Variants in UVSSA observed in about 807,000 individuals in gnomAD.
UVSSA encodes UV stimulated scaffold protein A, also known as UV-stimulated scaffold protein A.
In UVSSA, 72 loss-of-function variants were observed where a neutral mutation model predicts 73.9. The ratio of observed to expected loss-of-function variants is 0.97; its 90% CI spans 0.81 to 1.19. The LOEUF (loss-of-function observed/expected upper bound fraction) is 1.19. Among genes scored for constraint, UVSSA ranks in the 50% most tolerant of loss-of-function variants. The pLI, the probability that UVSSA is intolerant of heterozygous loss-of-function variation, is 0.00. For missense variants in UVSSA, 1,150 were observed against 965.0 expected, an observed-to-expected ratio of 1.19 and a Z score of -2.54; for synonymous variants, 454 against 391.3, an observed-to-expected ratio of 1.16 and a Z score of -1.89.
In UVSSA at chr4:1,382,867, C is replaced by T. The variant is rs116789676; in HGVS notation, c.1862-899C>T. 7.9e-3 allele frequency among the ~76,000 whole-genome samples: 1,205 copies of T among 152,318 alleles called. 14 individuals carry two copies. The highest frequency in any genetic ancestry group is 0.027 in the African/African-American group (1,137 of 41,552). ...GCTCGTGGGGTCCTGTCTGCAGGAG[C>T]GGGTGCCTCTGTAGCATTGGTGCCT... On this transcript the variant is annotated intron_variant, in intron 12 of 13. Coordinates refer to ENST00000389851, the MANE Select transcript of UVSSA (RefSeq NM_020894.4).
At chr4:1,354,463 C>A (rs1467806540) in intron 5 of UVSSA, 1 of 488,198 alleles carries the variant, frequency 2.0e-6, no homozygotes, top group Non-Finnish European at 3.8e-6. Flanking sequence ...GTCTCGCCCT[C>A]CAGATGGGAT....
rs375219415 is a variant in UVSSA at position 1,375,448 on chromosome 4, C to T, written c.1373C>T (p.Thr458Ile). ...TRMDEEVSDP[T>I]SAAAQLRQLR... is the part of the protein sequence containing the mutation. ...ATGGACGAGGAGGTGTCGGACCCCA[C>T]CTCTGCGGCTGCTCAGCTGCGGCAG... Residue 458 changes from threonine (T) to isoleucine (I), a missense_variant, in exon 9 of 14, where the codon ACC becomes ATC. Transcript: ENST00000389851. 6.2e-7 allele frequency: 1 copy of T among 1,613,302 alleles called. No individual in the cohort carries two copies. Among genetic ancestry groups the T allele is most frequent in the Non-Finnish European group, 8.5e-7 (1 of 1,179,996 alleles).
At chr4:1,344,562 A>G (rs180839813), upstream of UVSSA, among the ~76,000 whole-genome samples, 80 of 152,320 alleles carry the variant, frequency 5.3e-4, no homozygotes, top group Admixed American at 3.1e-3. Context: ...AACAAAAACA[A>G]ACAAGAATAT....
rs1198959272 is a variant in UVSSA at position 1,349,746 on chromosome 4, G to C, written c.321G>C (p.Gln107His). 1.9e-6 allele frequency: 3 copies of C among 1,611,582 alleles called. No homozygotes were observed. The highest frequency in any genetic ancestry group is 2.2e-5 in the South Asian group (2 of 90,978). Residue 107 changes from glutamine to histidine, a missense_variant, in exon 3 of 14, where the codon CAG (glutamine) becomes CAC (histidine). By Grantham distance (24) the Gln-to-His change is conservative. Transcript: ENST00000389851. The stretch of plus-strand genomic sequence containing the variant: ...TGCCGCCCCCCAGGGAGGCGGCACA[G>C]AGGCTGAGGCAGGCGACCACCCGGG... ...QPLPPPREAA[Q>H]RLRQATTRAV...
rs138129709 is a variant in UVSSA at position 1,354,784 on chromosome 4, C to T, written c.984C>T (p.Ala328=). The change falls in exon 6 of 14, where the codon GCC becomes GCT. Residue 328 remains alanine (A), a synonymous_variant. Transcript: ENST00000389851. ...AGGACAACCTTGCTCTCATCCACGC[C>T]GCCCGCGACACACTCAAGCTCATCC... is the stretch of plus-strand genomic sequence containing the variant. ...ENEDNLALIH[A]ARDTLKLIRN... 333 of 1,613,552 alleles carry T rather than the reference C, an allele frequency of 2.1e-4. No homozygotes were observed. The highest frequency in any genetic ancestry group is 2.5e-4 in the Non-Finnish European group (292 of 1,179,984).
At chr4:1,349,035 G>A (rs1158921154) in intron 2 of UVSSA, among the ~76,000 whole-genome samples, 3 of 138,896 alleles carry the variant, frequency 2.2e-5, no homozygotes, top group African/African-American at 7.5e-5. Flanking sequence ...TGTGCCAGGC[G>A]GTGTGTGTTT....
chr4:1,388,820 A>G (rs890787093), downstream of UVSSA: 1 of 152,206 alleles, frequency 6.6e-6, no homozygotes, highest in Non-Finnish European at 1.5e-5. Flanking sequence ...TTCATGGTGT[A>G]TAATCCTTTT....
chr4:1,372,262 T>C (rs1399744203), intron 8 of UVSSA, among the ~76,000 whole-genome samples: 3 of 152,230 alleles, frequency 2.0e-5, no homozygotes, highest in Admixed American at 6.5e-5. Context: ...TCTGTCTTTC[T>C]GTTAATCTGA....
chr4:1,384,592 C>G (rs549185769), intron 13 of UVSSA: 1 of 152,340 alleles, frequency 6.6e-6, no homozygotes, highest in Admixed American at 6.5e-5. Context: ...TTGCCTTGTT[C>G]TCGCCTAAGA....
chr4:1,394,981 G>C, exon 14 of UVSSA: 1 of 1,565,988 alleles, frequency 6.4e-7, no homozygotes, highest in South Asian at 1.1e-5. Context: ...CGGAGTGCCC[G>C]CCTGCTCACA....
Position 1,351,726 on chromosome 4 carries a change from A to G in UVSSA, c.441A>G (p.Gln147=), listed in dbSNP as rs779952266. 1 of 1,613,296 alleles carries G rather than the reference A, an allele frequency of 6.2e-7. No individual in the cohort carries two copies. The highest frequency in any genetic ancestry group is 1.1e-5 in the South Asian group (1 of 91,088). ...FLRHNKKVDF[Q]DTNARSLAER... Reference sequence around the variant, plus strand: ...TTTCAATTGCTCAGGTGGATTTTCAAGACACGAATGCTCGGAGTCTGGCAG... The same window carrying G: ...TTTCAATTGCTCAGGTGGATTTTCAGGACACGAATGCTCGGAGTCTGGCAG... The change falls in exon 4 of 14, where the codon CAA becomes CAG. Residue 147 remains glutamine, a synonymous_variant. Transcript: ENST00000389851.
At chr4:1,351,125 G>T (rs2109070762) in intron 3 of UVSSA, among the ~76,000 whole-genome samples, 1 of 152,146 alleles carries the variant, frequency 6.6e-6, no homozygotes, top group Non-Finnish European at 1.5e-5. Context: ...GAGTGCAGTG[G>T]TGCGATCTCA....
At chr4:1,394,104 G>A in exon 14 of UVSSA, 1 of 326,052 alleles carries the variant, frequency 3.1e-6, no homozygotes, top group Non-Finnish European at 5.7e-6. Context: ...CTTCTTACTT[G>A]CACACAGCCA....
At chr4:1,395,435 A>G (rs775734694) in exon 14 of UVSSA, 34 of 1,458,124 alleles carry the variant, frequency 2.3e-5, no homozygotes, top group African/African-American at 5.2e-5. Flanking sequence ...GCCGACGTGG[A>G]GTGCCCGCCT....
upstream of UVSSA, among the ~76,000 whole-genome samples, chr4:1,343,741 C>G (rs918953034): frequency 6.6e-6 from 1 of 152,030 alleles, no homozygotes; most frequent in African/African-American, 2.4e-5. Flanking sequence ...GAGCCAAGAT[C>G]GCACCATTGC....
chr4:1,376,110 T>C lies in UVSSA; in HGVS notation c.1510T>C (p.Tyr504His). The change falls in exon 10 of 14, where the codon TAC becomes CAC. Residue 504 changes from tyrosine (Y) to histidine (H), a missense_variant. Physicochemically the swap from Tyr to His is moderately conservative, Grantham distance 83. Transcript: ENST00000389851. ...GCGGGCCCGGGCGCCTGTGGTGCCC[T>C]ACGGCGTGGACCTGCACTACTGGGG... ...AERARAPVVP[Y>H]GVDLHYWGQE... 1 of 1,607,732 alleles carries C rather than the reference T, an allele frequency of 6.2e-7. No homozygotes were observed. The highest frequency in any genetic ancestry group is 1.1e-5 in the South Asian group (1 of 90,042).
chr4:1,377,021 C>T (rs948579109), intron 10 of UVSSA, among the ~76,000 whole-genome samples: 14 of 152,340 alleles, frequency 9.2e-5, no homozygotes, highest in Admixed American at 5.2e-4. Context: ...TTTCAAGGGC[C>T]GGGCTGCCTG....
rs192820374 is a variant in UVSSA, at chr4:1,369,474, G to A, written c.1288+3043G>A. On this transcript the variant is annotated intron_variant, in intron 8 of 13. Coordinates refer to ENST00000389851, the MANE Select transcript of UVSSA (RefSeq NM_020894.4). ...GCTGTTTTTTCAATTAAACGTGGGCGAATCTGAAGTAGTTAGATTTAGTCT... is the reference window on the plus strand; with the variant it reads ...GCTGTTTTTTCAATTAAACGTGGGCAAATCTGAAGTAGTTAGATTTAGTCT... Among the ~76,000 whole-genome samples the A allele has an allele frequency of 1.9e-4, 29 of 152,388 alleles. No individual in the cohort carries two copies. In the East Asian group the frequency reaches 4.1e-3, roughly 21 times the overall value.
intron 12 of UVSSA, 120 bp from the exon 13 acceptor site, chr4:1,383,646 G>T: frequency 8.1e-7 from 1 of 1,236,462 alleles, no homozygotes; most frequent in Non-Finnish European, 1.2e-6. Flanking sequence ...GGGTACGGCC[G>T]TGGGCAAGGC....
Sources: allele counts gnomAD v4.1 joint callset (sites outside exome capture counted in the v4.1 genomes callset), GRCh38; gene constraint gnomAD v4.1.1; transcripts MANE v1.5; gene names NCBI Gene and HGNC (gene_info 2026-07-23, HGNC 2026-07-21).